Variants in TBC1D19 observed in about 807,000 individuals in gnomAD.
TBC1D19 encodes the protein TBC1 domain family member 19.
Under a neutral mutation model 89.0 loss-of-function variants are expected in TBC1D19, and 60 were observed. The ratio of observed to expected loss-of-function variants is 0.67; its 90% confidence interval spans 0.55 to 0.84. The LOEUF (loss-of-function observed/expected upper bound fraction) is 0.84, where lower values mean the gene tolerates loss of function less well. Ranked by LOEUF, TBC1D19 falls within the 40% of genes least tolerant of loss-of-function variation. TBC1D19 has a pLI of 0.00. For missense variants in TBC1D19, 500 were observed against 610.8 expected (o/e 0.82, Z 1.91); for synonymous variants, 189 against 199.7 (o/e 0.95, Z 0.45).
At chr4:26,695,160 A>C (rs1050839392) in intron 13 of TBC1D19, among the ~76,000 whole-genome samples, 3 of 152,200 alleles carry the variant, frequency 2.0e-5, no homozygotes, top group Non-Finnish European at 2.9e-5. Flanking sequence ...AGAAGTACGT[A>C]AGTGACCTGA....
At chr4:26,661,451 T>C (rs1017807274) in intron 8 of TBC1D19, among the ~76,000 whole-genome samples, 3 of 152,168 alleles carry the variant, frequency 2.0e-5, no homozygotes, top group African/African-American at 4.8e-5. Flanking sequence ...TGAAGCCTAC[T>C]GCATTCTATG....
chr4:26,781,062 T>G, the TBC1D19 span, among the ~76,000 whole-genome samples: 2 of 152,166 alleles, frequency 1.3e-5, no homozygotes, highest in African/African-American at 4.8e-5. Context: ...CTTACTATTT[T>G]CAGTGTGGTC....
the TBC1D19 span, among the ~76,000 whole-genome samples, chr4:26,833,536 T>C: frequency 6.6e-6 from 1 of 152,232 alleles, no homozygotes. Context: ...AATGGAATCA[T>C]TCAGTCAGTA....
At chr4:26,789,087 C>T in the TBC1D19 span, among the ~76,000 whole-genome samples, 1 of 152,182 alleles carries the variant, frequency 6.6e-6, no homozygotes, top group East Asian at 1.9e-4. Flanking sequence ...AAGGAACCCA[C>T]AGTTTGAAGA....
chr4:26,838,797 G>A, the TBC1D19 span, among the ~76,000 whole-genome samples: 2 of 152,330 alleles, frequency 1.3e-5, no homozygotes, highest in African/African-American at 4.8e-5. Context: ...CCAAGCAAGA[G>A]GCCTTATGGC....
At chr4:26,799,421 A>C in the TBC1D19 span, among the ~76,000 whole-genome samples, 24 of 152,326 alleles carry the variant, frequency 1.6e-4, no homozygotes, top group East Asian at 4.4e-3. Context: ...GAAGCTATAA[A>C]AGGACAGATA....
chr4:26,698,869 G>T (rs1371058216), intron 13 of TBC1D19, among the ~76,000 whole-genome samples: 4 of 152,092 alleles, frequency 2.6e-5, no homozygotes, highest in African/African-American at 4.8e-5. Flanking sequence ...AATTCAACAT[G>T]GATTAAAGAC....
chr4:26,682,686 A>G (rs917908183), intron 11 of TBC1D19, among the ~76,000 whole-genome samples: 2 of 152,156 alleles, frequency 1.3e-5, no homozygotes, highest in Non-Finnish European at 1.5e-5. Context: ...GCAACGAGAC[A>G]CTATTTGCAT....
chr4:26,745,497 CTTTTTTTTTTTTT>C (rs71186486), intron 18 of TBC1D19, among the ~76,000 whole-genome samples: 4 of 40,550 alleles, frequency 9.9e-5, no homozygotes, highest in African/African-American at 1.9e-4. Context: ...CAATATACTT[CTTTTTTTTTTTTT>C]TTTTTTTTTT....
chr4:26,856,120 C>G, the TBC1D19 span, among the ~76,000 whole-genome samples: 88 of 152,296 alleles, frequency 5.8e-4, no homozygotes, highest in African/African-American at 2.0e-3. Context: ...CTTCCCTTTC[C>G]CCATCCCTCG....
intron 9 of TBC1D19, among the ~76,000 whole-genome samples, chr4:26,668,930 A>G (rs1181912024): frequency 6.6e-6 from 1 of 151,756 alleles, no homozygotes; most frequent in East Asian, 1.9e-4. Flanking sequence ...AAAAAAAGTC[A>G]TAGCCATTAC....
chr4:26,759,536 G>T (rs1484195321), downstream of TBC1D19, among the ~76,000 whole-genome samples: 1 of 151,982 alleles, frequency 6.6e-6, no homozygotes, highest in Non-Finnish European at 1.5e-5. Flanking sequence ...CTTAACAAAT[G>T]TATATACCCA....
chr4:26,614,318 C>T, intron 2 of TBC1D19, 90 bp from the exon 3 acceptor site: 1 of 931,600 alleles, frequency 1.1e-6, no homozygotes, highest in Non-Finnish European at 1.6e-6. Flanking sequence ...TAATATGATG[C>T]CAAAGTTTTA....
intron 1 of TBC1D19, among the ~76,000 whole-genome samples, chr4:26,608,048 T>C (rs1373716825): frequency 6.6e-6 from 1 of 152,212 alleles, no homozygotes; most frequent in Non-Finnish European, 1.5e-5. Flanking sequence ...TACCACATCA[T>C]GTAGTAGTAA....
At chr4:26,752,248 T>A (rs1445818826) in intron 19 of TBC1D19, among the ~76,000 whole-genome samples, 2 of 149,390 alleles carry the variant, frequency 1.3e-5, no homozygotes, top group Non-Finnish European at 3.0e-5. Context: ...TCTTTCTTTT[T>A]TTTTTTTTTT....
chr4:26,828,606 G>A, the TBC1D19 span, among the ~76,000 whole-genome samples: 1 of 152,242 alleles, frequency 6.6e-6, no homozygotes, highest in Non-Finnish European at 1.5e-5. Flanking sequence ...AAGCGGTTGA[G>A]AGTGTGGGCT....
chr4:26,847,358 T>A, the TBC1D19 span, among the ~76,000 whole-genome samples: 1 of 152,052 alleles, frequency 6.6e-6, no homozygotes, highest in Non-Finnish European at 1.5e-5. Flanking sequence ...TAAAGTGAGT[T>A]GTCAGACAAG....
intron 15 of TBC1D19, among the ~76,000 whole-genome samples, chr4:26,728,286 C>T (rs2109288763): frequency 6.6e-6 from 1 of 152,256 alleles, no homozygotes; most frequent in East Asian, 1.9e-4. Context: ...TATATAATAG[C>T]AATCTGCTTT....
intron 7 of TBC1D19, 68 bp from the exon 8 acceptor site, chr4:26,659,529 C>G: frequency 1.0e-6 from 1 of 976,596 alleles, no homozygotes; most frequent in South Asian, 1.7e-5. Context: ...AAGAATATCC[C>G]TGCTAATTTT....
Sources: allele counts gnomAD v4.1 joint callset (sites outside exome capture counted in the v4.1 genomes callset), GRCh38; gene constraint gnomAD v4.1.1; transcripts MANE v1.5; gene names NCBI Gene and HGNC (gene_info 2026-07-23, HGNC 2026-07-21).